HOXA3: variants seen among roughly 807,000 people sequenced by gnomAD.
HOXA3 encodes the protein homeobox A3, also known as homeobox protein Hox-A3.
Under a neutral mutation model 30.3 loss-of-function variants are expected in HOXA3, and 8 were observed. The observed-to-expected ratio is 0.26, with a 90% CI of 0.15 to 0.48. HOXA3 has a LOEUF of 0.48. HOXA3 is among the 20% of genes least tolerant of loss of function. The pLI is 0.99. For synonymous variants in HOXA3, 323 were observed against 273.1 expected (o/e 1.18, Z -1.80); for missense variants, 653 against 614.4 (o/e 1.06, Z -0.66).
At chr7:27,110,823 C>A (rs1034884440) in intron 4 of HOXA3, 63 bp from the exon 5 acceptor site, 30 of 796,794 alleles carry the variant, frequency 3.8e-5, no homozygotes, top group Non-Finnish European at 4.2e-5. Context: ...CTCTCAATAG[C>A]TAAGTGACAT....
At chr7:27,134,518 A>G (rs1250606715) in intron 2 of HOXA3, among the ~76,000 whole-genome samples, 1 of 152,254 alleles carries the variant, frequency 6.6e-6, no homozygotes, top group Non-Finnish European at 1.5e-5. Flanking sequence ...TTAACCAAAA[A>G]GCACAATAAA....
chr7:27,144,315 GCT>G (rs1413695457), intron 1 of HOXA3, among the ~76,000 whole-genome samples: 1 of 152,284 alleles, frequency 6.6e-6, no homozygotes, highest in East Asian at 1.9e-4. Flanking sequence ...TACAATTACG[GCT>G]CTGTTTTTGC....
chr7:27,122,678 C>G (rs1310151394), intron 3 of HOXA3, 36 bp from the exon 4 acceptor site: 1 of 152,212 alleles, frequency 6.6e-6, no homozygotes, highest in Non-Finnish European at 1.5e-5. Context: ...TGAATGGCGG[C>G]TGCGAGGGAA....
In HOXA3 at chr7:27,108,065, G is replaced by C. The variant is rs199532403; in HGVS notation, c.1182C>G (p.Gly394=). 3 of 1,613,046 alleles carry C rather than the reference G, an allele frequency of 1.9e-6. No individual in the cohort carries two copies. In the Admixed American group the frequency reaches 5.0e-5, roughly 27 times the overall value. Residue 394 remains glycine (G), a synonymous_variant, in exon 6 of 6, where the codon GGC becomes GGG. Coordinates refer to ENST00000612286, the MANE Select transcript of HOXA3 (RefSeq NM_153631.3). The surrounding 1 kb of genome is among the most constrained non-coding windows in gnomAD (Gnocchi z 5.0). ...GLTHLPHAAS[G]AMDYGGAGPL... ...GCCCGGCACCCCCATAGTCCATGGCGCCCGAGGCAGCGTGGGGGAGGTGAG... is the reference window on the plus strand; with the variant it reads ...GCCCGGCACCCCCATAGTCCATGGCCCCCGAGGCAGCGTGGGGGAGGTGAG...
chr7:27,125,018 T>A (rs1478037030), intron 3 of HOXA3, among the ~76,000 whole-genome samples: 1 of 152,108 alleles, frequency 6.6e-6, no homozygotes, highest in East Asian at 1.9e-4. Context: ...GGTTACAAAA[T>A]CTCCCCAAGC....
chr7:27,148,691 G>A (rs962800112), intron 1 of HOXA3, among the ~76,000 whole-genome samples: 6 of 152,270 alleles, frequency 3.9e-5, no homozygotes, highest in Admixed American at 6.5e-5. Flanking sequence ...CGACAGAGCA[G>A]TGGCCGTGAG....
chr7:27,119,278 T>G (rs1784893568), intron 4 of HOXA3, among the ~76,000 whole-genome samples: 2 of 151,834 alleles, frequency 1.3e-5, no homozygotes, highest in Admixed American at 1.3e-4. Flanking sequence ...AAGACAATTC[T>G]GTGTCCACCA....
intron 2 of HOXA3, chr7:27,130,054 C>T: frequency 2.6e-6 from 4 of 1,514,146 alleles, no homozygotes; most frequent in African/African-American, 1.4e-5. Flanking sequence ...CCTCCTGACC[C>T]CGACCCTCGA....
chr7:27,124,778 G>C (rs186097482), intron 3 of HOXA3, among the ~76,000 whole-genome samples: 98 of 152,246 alleles, frequency 6.4e-4, no homozygotes, highest in African/African-American at 2.2e-3. Flanking sequence ...CTGCAACCAG[G>C]GTCCTTTTTT....
chr7:27,118,675 T>G (rs1784856843), intron 4 of HOXA3, among the ~76,000 whole-genome samples: 2 of 152,186 alleles, frequency 1.3e-5, no homozygotes, highest in Non-Finnish European at 2.9e-5. Flanking sequence ...ATTTTTAGAA[T>G]CCATTTAACT....
chr7:27,107,940 T>C lies in HOXA3; in HGVS notation c.1307A>G (p.Glu436Gly), dbSNP rs556513817. Reference protein sequence around the residue: ...GHHPSQGRIQEAPKLTHL With the variant: ...GHHPSQGRIQGAPKLTHL ...TCACAGGTGGGTGAGCTTGGGTGCT[T>C]CCTGAATTCTTCCCTGAGAAGGATG... The change falls in exon 6 of 6, where the codon GAA (glutamate) becomes GGA (glycine). Residue 436 changes from glutamate (E) to glycine (G), a missense_variant. Glu to Gly is a moderately conservative substitution (Grantham distance 98). Transcript: ENST00000612286. 8 of 1,585,642 alleles carry C rather than the reference T, an allele frequency of 5.0e-6. No individual in the cohort carries two copies. In the African/African-American group the frequency reaches 9.5e-5, roughly 19 times the overall value.
At chr7:27,146,093 G>A (rs143058864) in intron 1 of HOXA3, among the ~76,000 whole-genome samples, 13 of 152,354 alleles carry the variant, frequency 8.5e-5, no homozygotes, top group African/African-American at 2.9e-4. Flanking sequence ...CATACCAAGC[G>A]AGATGTTTTC....
At chr7:27,125,420 T>G (rs888421955) in intron 3 of HOXA3, among the ~76,000 whole-genome samples, 1 of 152,224 alleles carries the variant, frequency 6.6e-6, no homozygotes, top group African/African-American at 2.4e-5. Context: ...CCCGTGATTT[T>G]GGAGTCTTCA....
At chr7:27,148,695 C>CT (rs1782871917) in intron 1 of HOXA3, among the ~76,000 whole-genome samples, 1 of 152,252 alleles carries the variant, frequency 6.6e-6, no homozygotes, top group South Asian at 2.1e-4. Context: ...AGAGCAGTGG[C>CT]CGTGAGACTG....
At chr7:27,142,909 G>T (rs1318692108) in intron 1 of HOXA3, 3 of 775,632 alleles carry the variant, frequency 3.9e-6, no homozygotes, top group African/African-American at 3.7e-5. Flanking sequence ...GGCAGGGGAG[G>T]GAGAACGGCA....
In HOXA3 at chr7:27,143,087, G is replaced by T. The variant is rs765953050; in HGVS notation, c.-493-2901C>A. 3.2e-6 allele frequency: 5 copies of T among 1,557,366 alleles called. No individual in the cohort carries two copies. In the Admixed American group the frequency reaches 1.0e-4, roughly 31 times the overall value. On this transcript the variant is annotated intron_variant, in intron 1 of 5. Coordinates refer to ENST00000612286, the MANE Select transcript of HOXA3 (RefSeq NM_153631.3). ...CTTGCGCATCCAGGGGTAGATCTGG[G>T]GTTGGGCGGGCGGCGCCGGGCTCGG...
chr7:27,151,832 C>T (rs192017387), intron 1 of HOXA3, among the ~76,000 whole-genome samples: 2 of 152,228 alleles, frequency 1.3e-5, no homozygotes, highest in East Asian at 3.9e-4. Context: ...ATGGTCTCCT[C>T]TTGTTGGGGA....
intron 4 of HOXA3, among the ~76,000 whole-genome samples, chr7:27,117,566 G>C (rs1438245530): frequency 6.6e-6 from 1 of 152,128 alleles, no homozygotes; most frequent in African/African-American, 2.4e-5. Flanking sequence ...GGCTTGTGGG[G>C]AAGCATGCTC....
intron 4 of HOXA3, among the ~76,000 whole-genome samples, chr7:27,114,390 T>G (rs1253658729): frequency 6.6e-6 from 1 of 151,478 alleles, no homozygotes; most frequent in Non-Finnish European, 1.5e-5. Context: ...GAAAAGTGAG[T>G]TTCCCAGACT....
Sources: allele counts gnomAD v4.1 joint callset (sites outside exome capture counted in the v4.1 genomes callset), GRCh38; gene constraint gnomAD v4.1.1; non-coding constraint Gnocchi (gnomAD v3.1); transcripts MANE v1.5; gene names NCBI Gene and HGNC (gene_info 2026-07-23, HGNC 2026-07-21).